ATP13A1: variants seen among roughly 807,000 people sequenced by gnomAD.
The protein encoded by ATP13A1 is endoplasmic reticulum transmembrane helix translocase.
A neutral mutation model predicts 134.8 loss-of-function variants in ATP13A1; 55 were observed. That is an observed-to-expected ratio of 0.41 (90% CI 0.33 to 0.51). The LOEUF (loss-of-function observed/expected upper bound fraction) is 0.51. Among genes scored for constraint, ATP13A1 ranks in the 20% least tolerant of loss-of-function variants. ATP13A1 has a pLI of 0.29. For synonymous variants in ATP13A1, 775 were observed against 725.1 expected, an observed-to-expected ratio of 1.07 and a Z score of -1.10; for missense variants, 1,389 against 1,652.8, an observed-to-expected ratio of 0.84 and a Z score of 2.77.
At position 19,647,651 on chromosome 19, in the gene ATP13A1, G is replaced by A. The variant is rs1326400962; in HGVS notation, c.2741C>T (p.Ala914Val). Residue 914 changes from alanine to valine, a missense_variant, in exon 20 of 26, where the codon GCC becomes GTC. This residue lies in a region of ATP13A1 where 121 missense variants were observed against 104.9 expected (regional missense o/e 1.15). Coordinates refer to ENST00000357324, the MANE Select transcript of ATP13A1 (RefSeq NM_020410.3). This position sits in a 1 kb window ranked among gnomAD's most constrained non-coding sequence, Gnocchi z 4.8. ...NSGIRATSRT[A>V]KQRSGLPPSE... ...GGGAGGGAGCCCCGACCGCTGCTTG[G>A]CTGTCCTGGAGGTGGCTCTGATGCC... 6.2e-7 allele frequency: 1 copy of A among 1,613,090 alleles called. No homozygotes were observed. The highest frequency in any genetic ancestry group is 1.7e-5 in the Admixed American group (1 of 60,012).
intron 15 of ATP13A1, chr19:19,652,984 T>G: frequency 2.1e-6 from 1 of 466,054 alleles, no homozygotes. Context: ...CATCACAGAG[T>G]CCCTTGTGGC....
At chr19:19,650,415 T>G in intron 17 of ATP13A1, 2 of 165,818 alleles carry the variant, frequency 1.2e-5, no homozygotes, top group African/African-American at 2.4e-5. Flanking sequence ...CTTGCTCCAC[T>G]TCCCCTTTCT....
rs760973340 is a variant in ATP13A1 at position 19,653,766 on chromosome 19, G to C, written c.2100+18C>G. On this transcript the variant is annotated intron_variant, in intron 15 of 25. Coordinates refer to ENST00000357324, the MANE Select transcript of ATP13A1 (RefSeq NM_020410.3). This position sits in a 1 kb window ranked among gnomAD's most constrained non-coding sequence, Gnocchi z 4.2. ...GGGCCAGGCACATGGTGAAGGCAGG[G>C]GGAGCCTGGGCCCGTACCTGCTGGT... 32 of 1,537,008 alleles carry C rather than the reference G, an allele frequency of 2.1e-5. No homozygotes were observed. In the South Asian group the frequency reaches 3.5e-4, roughly 17 times the overall value.
chr19:19,655,995 A>G lies in ATP13A1; in HGVS notation c.1213+59T>C, dbSNP rs2062055292. On this transcript the variant is annotated intron_variant, in intron 8 of 25. Coordinates refer to ENST00000357324, the MANE Select transcript of ATP13A1 (RefSeq NM_020410.3). This position sits in a 1 kb window ranked among gnomAD's most constrained non-coding sequence, Gnocchi z 5.7. ...CCTCGTCCTGACTCCCTCATGATCA[A>G]GCAGACGGGCAAAGGGGGTGGAAGC... The G allele has an allele frequency of 2.5e-6, 4 of 1,611,562 alleles. No homozygotes were observed. The Admixed American group carries it at 5.0e-5, about 20-fold the overall frequency.
At position 19,645,928 on chromosome 19, in the gene ATP13A1, G is replaced by A. The variant is rs375078995; in HGVS notation, c.3306C>T (p.Thr1102=). The A allele has an allele frequency of 7.1e-5, 115 of 1,613,646 alleles. No homozygotes were observed. The highest frequency in any genetic ancestry group is 9.2e-5 in the Non-Finnish European group (108 of 1,179,898). The change falls in exon 24 of 26, where the codon ACC becomes ACT. Residue 1102 remains threonine (T), a synonymous_variant. Transcript: ENST00000357324. The surrounding 1 kb of genome is among the most constrained non-coding windows in gnomAD (Gnocchi z 4.1). ...KEFEPSLVNS[T]VYIMAMAMQM... is the part of the protein sequence containing the mutation. ...GCATGGCCATGGCCATGATGTAGAC[G>A]GTGCTGTTGACCAGGCTTGGCTCAA...
Position 19,655,502 on chromosome 19 carries a change from G to C in ATP13A1, c.1396+26C>G, listed in dbSNP as rs776548673. On this transcript the variant is annotated intron_variant, in intron 10 of 25. Transcript: ENST00000357324. This position sits in a 1 kb window ranked among gnomAD's most constrained non-coding sequence, Gnocchi z 5.7. ...CTGGAGCCTCGGAGGGTGGGCGCAG[G>C]GGACCACAGAGGCCGTGGCGCTTAC... 1 of 1,613,854 alleles carries C rather than the reference G, an allele frequency of 6.2e-7. No individual in the cohort carries two copies. The highest frequency in any genetic ancestry group is 8.5e-7 in the Non-Finnish European group (1 of 1,179,882).
Position 19,649,731 on chromosome 19 carries a change from G to A in ATP13A1, c.2535+10C>T. 6.2e-7 allele frequency: 1 copy of A among 1,607,726 alleles called. No individual in the cohort carries two copies. The highest frequency in any genetic ancestry group is 1.3e-5 in the African/African-American group (1 of 74,892). ...CGCTGTGCCCCTGACCCCTAGGGCT[G>A]TGCACATACCTTCTGCTTGGGAGCC... On this transcript the variant is annotated intron_variant, in intron 18 of 25. Coordinates refer to ENST00000357324, the MANE Select transcript of ATP13A1 (RefSeq NM_020410.3).
intron 3 of ATP13A1, among the ~76,000 whole-genome samples, 165 bp downstream of exon 3, chr19:19,659,436 A>ACTCTGGGTGTCTCGCT (rs2062080473): frequency 1.3e-5 from 2 of 152,150 alleles, no homozygotes; most frequent in African/African-American, 4.8e-5. Context: ...AGCCTGGGTG[A>ACTCTGGGTGTCTCGCT]CAGAGCGAGA....
At chr19:19,662,089 G>A (rs776485238) in intron 1 of ATP13A1, 35 of 1,576,340 alleles carry the variant, frequency 2.2e-5, no homozygotes, top group Non-Finnish European at 2.9e-5. Context: ...CCTGGCTGAT[G>A]GCTGTTCAGC....
At position 19,654,091 on chromosome 19, in the gene ATP13A1, G is replaced by A; in HGVS notation, c.1867C>T (p.Arg623Cys). Residue 623 changes from arginine (R) to cysteine (C), a missense_variant, in exon 14 of 26, where the codon CGC (arginine) becomes TGC (cysteine). Coordinates refer to ENST00000357324, the MANE Select transcript of ATP13A1 (RefSeq NM_020410.3). ...TTCAGGGCACTGGCAAAATGAAAGC[G>A]CTGGTGAATTTTCAGCCCCTGAGTT... ...IKTQGLKIHQ[R>C]FHFASALKRM... The A allele has an allele frequency of 1.3e-6, 2 of 1,592,770 alleles. No individual in the cohort carries two copies. Among genetic ancestry groups the A allele is most frequent in the Non-Finnish European group, 1.7e-6 (2 of 1,169,804 alleles).
intron 12 of ATP13A1, among the ~76,000 whole-genome samples, 196 bp from the exon 13 acceptor site, chr19:19,654,896 T>G (rs748083257): frequency 3.9e-5 from 6 of 152,186 alleles, no homozygotes; most frequent in African/African-American, 1.4e-4. Flanking sequence ...CTGGGGGTCA[T>G]GTGGTGCATG....
At chr19:19,651,885 T>C (rs896680865) in intron 16 of ATP13A1, 88 bp from the exon 17 acceptor site, 2 of 1,040,580 alleles carry the variant, frequency 1.9e-6, no homozygotes, top group East Asian at 2.6e-5. Context: ...CCTTCTAAGG[T>C]AGGCCACAGT....
rs759134603 is a variant in ATP13A1 at position 19,657,078 on chromosome 19, C to T, written c.822G>A (p.Val274=). Residue 274 remains valine (V), a synonymous_variant, in exon 5 of 26, where the codon GTG becomes GTA. Coordinates refer to ENST00000357324, the MANE Select transcript of ATP13A1 (RefSeq NM_020410.3). The stretch of plus-strand genomic sequence containing the variant: ...GCTGCACCAGCGAGGCCTCGAACGC[C>T]ACCAGCATGGATAGCGTAAAGACGC... ...YYSVFTLSML[V]AFEASLVQQQ... 2 of 1,547,884 alleles carry T rather than the reference C, an allele frequency of 1.3e-6. No individual in the cohort carries two copies. The highest frequency in any genetic ancestry group is 1.7e-6 in the Non-Finnish European group (2 of 1,146,888).
At position 19,653,995 on chromosome 19, in the gene ATP13A1, C is replaced by G. The variant is rs1285706610; in HGVS notation, c.1963G>C (p.Gly655Arg). The G allele has an allele frequency of 6.3e-7, 1 of 1,598,180 alleles. No homozygotes were observed. The highest frequency in any genetic ancestry group is 8.5e-7 in the Non-Finnish European group (1 of 1,172,924). Residue 655 changes from glycine to arginine, a missense_variant, in exon 14 of 26, where the codon GGG becomes CGG. Transcript: ENST00000357324. The surrounding 1 kb of genome is among the most constrained non-coding windows in gnomAD (Gnocchi z 4.2). ...ATGGAGTGCAGAGTTTCGGGGGCCC[C>G]CTTCACGGCCGCGATGTAGCAGAGG... Reference protein sequence around the residue: ...TDLCYIAAVKGAPETLHSMFS... With the variant: ...TDLCYIAAVKRAPETLHSMFS...
rs758605540 is a variant in ATP13A1, at chr19:19,651,670, G to C, written c.2335+19C>G. 5 of 1,593,984 alleles carry C rather than the reference G, an allele frequency of 3.1e-6. No homozygotes were observed. The South Asian group carries it at 5.6e-5, about 18-fold the overall frequency. On this transcript the variant is annotated intron_variant, in intron 17 of 25. Coordinates refer to ENST00000357324, the MANE Select transcript of ATP13A1 (RefSeq NM_020410.3). Reference sequence around the variant, plus strand: ...CTCAGGGTCCCCCTTCCCCACTGTGGGCCAGGCTAGGGCCTCACCTTTCTC... The same window carrying C: ...CTCAGGGTCCCCCTTCCCCACTGTGCGCCAGGCTAGGGCCTCACCTTTCTC...
intron 22 of ATP13A1, chr19:19,646,753 T>G: frequency 5.3e-6 from 2 of 378,558 alleles, no homozygotes; most frequent in South Asian, 7.2e-5. Context: ...CCCCCCTGGT[T>G]CTTTACGCCT....
chr19:19,662,890 G>A (rs1433288655), intron 1 of ATP13A1, among the ~76,000 whole-genome samples: 1 of 152,138 alleles, frequency 6.6e-6, no homozygotes, highest in Non-Finnish European at 1.5e-5. Context: ...CAAGGTAGGA[G>A]ACAGATGAGA....
At position 19,655,157 on chromosome 19, in the gene ATP13A1, G is replaced by A. The variant is rs141777583; in HGVS notation, c.1617C>T (p.Thr539=). 6.2e-7 allele frequency: 1 copy of A among 1,613,956 alleles called. No individual in the cohort carries two copies. The highest frequency in any genetic ancestry group is 8.5e-7 in the Non-Finnish European group (1 of 1,179,898). Residue 539 remains threonine, a synonymous_variant, in exon 12 of 26, where the codon ACC becomes ACT. Coordinates refer to ENST00000357324, the MANE Select transcript of ATP13A1 (RefSeq NM_020410.3). The surrounding 1 kb of genome is among the most constrained non-coding windows in gnomAD (Gnocchi z 5.7). ...CACCGCGCACCACCAGGCTGTCACT[G>A]GTCAACGTCCCCGTCTTGTCAAAGC... is the stretch of plus-strand genomic sequence containing the variant. ...VCCFDKTGTL[T]SDSLVVRGVA...
At chr19:19,649,308 T>C (rs1011283207) in intron 19 of ATP13A1, among the ~76,000 whole-genome samples, 11 of 152,214 alleles carry the variant, frequency 7.2e-5, no homozygotes, top group Non-Finnish European at 1.5e-4. Flanking sequence ...ACCATCTTCA[T>C]GGCTTCAGCT....
Sources: gnomAD v4.1 joint callset for allele counts (sites outside exome capture counted in the v4.1 genomes callset) on GRCh38, gnomAD v4.1.1 for gene constraint, gnomAD v4.1.1 regional missense constraint, Gnocchi (gnomAD v3.1) non-coding constraint, MANE v1.5 for transcripts, NCBI Gene and HGNC (gene_info 2026-07-23, HGNC 2026-07-21) for gene names.